The following NXPE2 variants were observed in gnomAD, a reference collection of about 807,000 sequenced individuals.
The protein encoded by NXPE2 is neurexophilin and PC-esterase domain family member 2, also known as NXPE family member 2.
A neutral mutation model predicts 34.4 loss-of-function variants in NXPE2; 34 were observed. The observed-to-expected ratio is 0.99, with a 90% CI of 0.75 to 1.31. The LOEUF (loss-of-function observed/expected upper bound fraction) is 1.31, where lower values mean the gene tolerates loss of function less well. Among genes scored for constraint, NXPE2 ranks in the 40% most tolerant of loss-of-function variants. The probability of loss-of-function intolerance (pLI) is 0.00; values close to 1 mark genes in which losing one functional copy is unlikely to be tolerated. For synonymous variants in NXPE2, 235 were observed against 231.3 expected (o/e 1.02, Z -0.15); for missense variants, 649 against 672.5 (o/e 0.97, Z 0.39).
the NXPE2 span, among the ~76,000 whole-genome samples, chr11:114,619,789 G>A: frequency 3.3e-5 from 5 of 151,828 alleles, no homozygotes; most frequent in East Asian, 3.9e-4. Context: ...AATAAGTAAT[G>A]CCTCGTGAGT....
At chr11:114,525,155 G>A in the NXPE2 span, among the ~76,000 whole-genome samples, 1 of 151,764 alleles carries the variant, frequency 6.6e-6, no homozygotes, top group African/African-American at 2.4e-5. Context: ...ACATAAACAT[G>A]GCTTCTGCTT....
At chr11:114,633,016 A>ATTTTT in the NXPE2 span, among the ~76,000 whole-genome samples, 8 of 107,032 alleles carry the variant, frequency 7.5e-5, no homozygotes, top group South Asian at 2.6e-4. Context: ...TATATTATAT[A>ATTTTT]ATATATAATG....
the NXPE2 span, among the ~76,000 whole-genome samples, chr11:114,726,572 T>C: frequency 6.6e-6 from 1 of 152,094 alleles, no homozygotes; most frequent in African/African-American, 2.4e-5. Context: ...AAATATACTT[T>C]CTTAGTTTTT....
Position 114,707,048 on chromosome 11 carries a change from G to A in NXPE2, c.*118G>A. On this transcript the variant is annotated 3_prime_UTR_variant, in exon 6 of 6. Coordinates refer to ENST00000389586, the MANE Select transcript of NXPE2 (RefSeq NM_182495.6). ...CTAAATTTGAAAAAGTTCTATTAAA[G>A]TTAAATATATGTAACATAACATTTA... 1 of 719,224 alleles carries A rather than the reference G, an allele frequency of 1.4e-6. No individual in the cohort carries two copies. The highest frequency in any genetic ancestry group is 1.8e-5 in the African/African-American group (1 of 56,148). The allele number at this position is 719,224 out of a possible 1,614,324, so 44.6% of individuals were successfully genotyped here.
chr11:114,509,353 G>A, the NXPE2 span, among the ~76,000 whole-genome samples: 1 of 152,212 alleles, frequency 6.6e-6, no homozygotes, highest in Non-Finnish European at 1.5e-5. Flanking sequence ...CATTGTGGAA[G>A]ACAGTGTGAC....
At chr11:114,540,167 G>T in the NXPE2 span, among the ~76,000 whole-genome samples, 1 of 152,280 alleles carries the variant, frequency 6.6e-6, no homozygotes, top group East Asian at 1.9e-4. Context: ...ATGTTGGCCA[G>T]GCTGGCCTCA....
At chr11:114,746,643 A>G in the NXPE2 span, among the ~76,000 whole-genome samples, 1 of 152,130 alleles carries the variant, frequency 6.6e-6, no homozygotes, top group African/African-American at 2.4e-5. Flanking sequence ...TGAGGTCAGG[A>G]GATCGAGACC....
At chr11:114,484,301 A>G in the NXPE2 span, among the ~76,000 whole-genome samples, 5,880 of 152,322 alleles carry the variant, frequency 0.039, 148 homozygotes, top group Middle Eastern at 0.082. Context: ...TGCTTTTGGC[A>G]TAGCCTCAAA....
At chr11:114,582,595 C>A in the NXPE2 span, 29 of 1,614,184 alleles carry the variant, frequency 1.8e-5, no homozygotes, top group African/African-American at 3.5e-4. Flanking sequence ...GACAGAGAGA[C>A]CTGGCCCTCC....
At chr11:114,523,090 C>G in the NXPE2 span, 2 of 1,609,196 alleles carry the variant, frequency 1.2e-6, no homozygotes, top group African/African-American at 1.3e-5. Flanking sequence ...TTTTTTCTCT[C>G]TCTGGTAACA....
intron 2 of NXPE2, among the ~76,000 whole-genome samples, chr11:114,680,878 TC>T (rs1950939289): frequency 6.6e-6 from 1 of 152,136 alleles, no homozygotes; most frequent in African/African-American, 2.4e-5. Flanking sequence ...ATCTAAGTCT[TC>T]CACTAGCACT....
the NXPE2 span, among the ~76,000 whole-genome samples, chr11:114,640,265 TA>T: frequency 7.0e-6 from 1 of 143,114 alleles, no homozygotes; most frequent in Admixed American, 7.3e-5. Context: ...ATATATAGTA[TA>T]TAATATATAA....
chr11:114,492,094 G>A, the NXPE2 span, among the ~76,000 whole-genome samples: 1 of 151,960 alleles, frequency 6.6e-6, no homozygotes, highest in Non-Finnish European at 1.5e-5. Context: ...CACCAACATG[G>A]CACATGTATA....
chr11:114,742,155 T>C, the NXPE2 span, among the ~76,000 whole-genome samples: 3,002 of 152,290 alleles, frequency 0.02, 95 homozygotes, highest in African/African-American at 0.069. Context: ...CTCTGAAACG[T>C]TGAAGTTTGT....
At chr11:114,566,765 T>G in the NXPE2 span, among the ~76,000 whole-genome samples, 1 of 152,222 alleles carries the variant, frequency 6.6e-6, no homozygotes, top group South Asian at 2.1e-4. Flanking sequence ...ATATTTACAT[T>G]CTATATACCC....
At chr11:114,773,368 T>A in the NXPE2 span, among the ~76,000 whole-genome samples, 1 of 149,068 alleles carries the variant, frequency 6.7e-6, no homozygotes, top group Non-Finnish European at 1.5e-5. Flanking sequence ...GTCTTTAAGA[T>A]GCTTCCAGAT....
chr11:114,705,442 C>T (rs1951452910), intron 4 of NXPE2, among the ~76,000 whole-genome samples: 1 of 152,216 alleles, frequency 6.6e-6, no homozygotes, highest in African/African-American at 2.4e-5. Flanking sequence ...GGCAGGGCCA[C>T]TGTGCCCTGC....
At chr11:114,733,287 G>C in the NXPE2 span, among the ~76,000 whole-genome samples, 2 of 152,036 alleles carry the variant, frequency 1.3e-5, no homozygotes, top group African/African-American at 4.8e-5. Flanking sequence ...TACAGACGGG[G>C]TTTCACCGTG....
the NXPE2 span, among the ~76,000 whole-genome samples, chr11:114,727,654 T>G: frequency 6.6e-6 from 1 of 152,044 alleles, no homozygotes; most frequent in Non-Finnish European, 1.5e-5. Flanking sequence ...ACTCAAGTTT[T>G]GCTTTTAGAT....
Sources: gnomAD v4.1 joint callset for allele counts (sites outside exome capture counted in the v4.1 genomes callset) on GRCh38, gnomAD v4.1.1 for gene constraint, MANE v1.5 for transcripts, NCBI Gene and HGNC (gene_info 2026-07-23, HGNC 2026-07-21) for gene names.